PRB2: variants seen among roughly 807,000 people sequenced by gnomAD.
The protein encoded by PRB2 is proline rich protein BstNI subfamily 2.
PRB2 carries 12 observed loss-of-function variants against 8.3 expected under a neutral mutation model. The ratio of observed to expected loss-of-function variants is 1.45; its 90% confidence interval spans 0.93 to 2.35. PRB2 has a LOEUF of 2.35. PRB2 is among the 30% of genes most tolerant of loss of function. The probability of loss-of-function intolerance (pLI) is 0.00; values close to 1 mark genes in which losing one functional copy is unlikely to be tolerated. For missense variants in PRB2, 470 were observed against 507.0 expected (o/e 0.93, Z 0.70); for synonymous variants, 146 against 180.0 (o/e 0.81, Z 1.51).
chr12:11,394,281 G>A (rs540457746), intron 2 of PRB2, among the ~76,000 whole-genome samples: 1 of 152,144 alleles, frequency 6.6e-6, no homozygotes, highest in Non-Finnish European at 1.5e-5. Flanking sequence ...ACCCACTCCT[G>A]CTGTCATCTA....
intron 2 of PRB2, 135 bp downstream of exon 2, chr12:11,394,359 AG>A (rs1023539094): frequency 8.9e-7 from 1 of 1,117,796 alleles, no homozygotes; most frequent in African/African-American, 1.5e-5. Context: ...TTGCATGAAG[AG>A]TGCCTATATT....
At chr12:11,395,394 T>G in intron 1 of PRB2, 72 bp downstream of exon 1, 2 of 1,591,138 alleles carry the variant, frequency 1.3e-6, no homozygotes, top group South Asian at 2.2e-5. Context: ...TCTCCTCTCT[T>G]CCCCGTAATT....
chr12:11,394,711 A>G (rs546742080), intron 1 of PRB2, among the ~76,000 whole-genome samples, 181 bp from the exon 2 acceptor site: 9 of 152,240 alleles, frequency 5.9e-5, no homozygotes, highest in Admixed American at 5.2e-4. Context: ...CAGGGTTGTT[A>G]TGACAGAGCA....
chr12:11,393,770 G>T lies in PRB2; in HGVS notation c.308C>A (p.Pro103Gln). ...GGGACTTCGGGACTTGTCTCCTTGT[G>T]GGGGTGGTCCTTGTGGCTTTCCTGG... ...PPPGKPQGPP[P>Q]QGDKSRSPRS... The change falls in exon 3 of 4, where the codon CCA (proline) becomes CAA (glutamine). Residue 103 changes from proline (P) to glutamine (Q), a missense_variant. This residue lies in a region of PRB2 where 211 missense variants were observed against 207.7 expected (regional missense o/e 1.02). Coordinates refer to ENST00000389362, the MANE Select transcript of PRB2 (RefSeq NM_006248.4). 3 of 1,595,792 alleles carry T rather than the reference G, an allele frequency of 1.9e-6. No individual in the cohort carries two copies. The highest frequency in any genetic ancestry group is 3.4e-5 in the Admixed American group (2 of 58,614).
chr12:11,393,579 C>A lies in PRB2; in HGVS notation c.499G>T (p.Asp167Tyr). 6.3e-7 allele frequency: 1 copy of A among 1,594,946 alleles called. No individual in the cohort carries two copies. The change falls in exon 3 of 4, where the codon GAC (aspartate) becomes TAC (tyrosine). Residue 167 changes from aspartate to tyrosine, a missense_variant. This residue lies in a region of PRB2 where 211 missense variants were observed against 207.7 expected (regional missense o/e 1.02). Coordinates refer to ENST00000389362, the MANE Select transcript of PRB2 (RefSeq NM_006248.4). The part of the protein sequence containing the change: ...GKPQGPPPQG[D>Y]NKSRSSRSPP... ...GATCGAGAACTTCGGGACTTGTTGTCTCCTTGTGGGGGTGGTCCTTGTGGC... is the reference window on the plus strand; with the variant it reads ...GATCGAGAACTTCGGGACTTGTTGTATCCTTGTGGGGGTGGTCCTTGTGGC...
In PRB2 at chr12:11,393,355, C is replaced by G. The variant is rs765363110; in HGVS notation, c.723G>C (p.Lys241Asn). Residue 241 changes from lysine to asparagine, a missense_variant, in exon 3 of 4, where the codon AAG becomes AAC. Lys to Asn is a moderately conservative substitution (Grantham distance 94). Transcript: ENST00000389362. ...KSQSARSPPG[K>N]PQGPPPQGGN... ...CTCCTTGTGGGGGTGGTCCTTGTGG[C>G]TTTCCTGGAGGAGATCGGGCACTTT... is the stretch of plus-strand genomic sequence containing the variant. The G allele has an allele frequency of 6.3e-7, 1 of 1,586,644 alleles. No individual in the cohort carries two copies.
In PRB2 at chr12:11,394,273, C is replaced by T. The variant is rs573330360; in HGVS notation, c.100+222G>A. Reference sequence around the variant, plus strand: ...CTCCTGGCCAGGGGGATGAGGTAACCCACTCCTGCTGTCATCTAAGCCAAG... The same window carrying T: ...CTCCTGGCCAGGGGGATGAGGTAACTCACTCCTGCTGTCATCTAAGCCAAG... On this transcript the variant is annotated intron_variant, in intron 2 of 3. Coordinates refer to ENST00000389362, the MANE Select transcript of PRB2 (RefSeq NM_006248.4). Among the ~76,000 whole-genome samples the T allele has an allele frequency of 6.6e-5, 10 of 152,204 alleles. No individual in the cohort carries two copies. The South Asian group carries it at 1.9e-3, about 28-fold the overall frequency.
intron 1 of PRB2, 99 bp from the exon 2 acceptor site, chr12:11,394,629 T>C (rs1486756536): frequency 7.0e-7 from 1 of 1,434,894 alleles, no homozygotes; most frequent in East Asian, 2.3e-5. Flanking sequence ...CCACACCCCA[T>C]GCATCCCCTA....
chr12:11,392,952 T>G lies in PRB2; in HGVS notation c.1126A>C (p.Asn376His), dbSNP rs762925471. 5.7e-5 allele frequency: 92 copies of G among 1,609,066 alleles called. No individual in the cohort carries two copies. The highest frequency in any genetic ancestry group is 3.0e-4 in the Admixed American group (18 of 59,586). Residue 376 changes from asparagine to histidine, a missense_variant, in exon 3 of 4, where the codon AAT (asparagine) becomes CAT (histidine). Asn to His is a moderately conservative substitution (Grantham distance 68). Transcript: ENST00000389362. ...GCTGGAGGTGGGGGACCTTGAGGATTGTTGCCTTCTTGTTGGGGTGGTCCT... is the reference window on the plus strand; with the variant it reads ...GCTGGAGGTGGGGGACCTTGAGGATGGTTGCCTTCTTGTTGGGGTGGTCCT... ...PQGPPQQEGN[N>H]PQGPPPPAGG...
chr12:11,393,747 G>A lies in PRB2; in HGVS notation c.331C>T (p.Pro111Ser), dbSNP rs201630423. The A allele has an allele frequency of 3.8e-6, 6 of 1,590,902 alleles. No homozygotes were observed. The highest frequency in any genetic ancestry group is 1.4e-5 in the African/African-American group (1 of 70,284). Residue 111 changes from proline (P) to serine (S), a missense_variant, in exon 3 of 4, where the codon CCC becomes TCC. Pro to Ser is a moderately conservative substitution (Grantham distance 74, BLOSUM62 -1). Around this residue, in one of 4 missense-constraint regions of PRB2, gnomAD observed 211 missense variants for 207.7 expected, o/e 1.02. Transcript: ENST00000389362. ...PPPQGDKSRS[P>S]RSPPGKPQGP... ...TGTGGCTTTCCTGGAGGAGATCGGG[G>A]ACTTCGGGACTTGTCTCCTTGTGGG... is the stretch of plus-strand genomic sequence containing the variant.
rs764693630 is a variant in PRB2 at position 11,393,757 on chromosome 12, C to T, written c.321G>A (p.Lys107=). 12 of 1,539,448 alleles carry T rather than the reference C, an allele frequency of 7.8e-6. No homozygotes were observed. The African/African-American group carries it at 1.7e-4, about 22-fold the overall frequency. ...CTGGAGGAGATCGGGGACTTCGGGACTTGTCTCCTTGTGGGGGTGGTCCTT... is the reference window on the plus strand; with the variant it reads ...CTGGAGGAGATCGGGGACTTCGGGATTTGTCTCCTTGTGGGGGTGGTCCTT... ...KPQGPPPQGD[K]SRSPRSPPGK... Residue 107 remains lysine (K), a synonymous_variant, in exon 3 of 4, where the codon AAG becomes AAA. Transcript: ENST00000389362.
At chr12:11,394,894 G>A (rs1440063113) in intron 1 of PRB2, among the ~76,000 whole-genome samples, 2 of 151,984 alleles carry the variant, frequency 1.3e-5, no homozygotes, top group Non-Finnish European at 2.9e-5. Context: ...TCTCAATTGG[G>A]GTAACCAGAA....
At chr12:11,395,348 G>A (rs190441912) in intron 1 of PRB2, 118 bp downstream of exon 1, 1 of 1,251,498 alleles carries the variant, frequency 8.0e-7, no homozygotes, top group Non-Finnish European at 1.2e-6. Flanking sequence ...CCTGATCCTA[G>A]GCATGAAAAC....
At position 11,393,763 on chromosome 12, in the gene PRB2, T is replaced by C. The variant is rs755519343; in HGVS notation, c.315A>G (p.Gly105=). ...GAGATCGGGGACTTCGGGACTTGTC[T>C]CCTTGTGGGGGTGGTCCTTGTGGCT... ...PGKPQGPPPQ[G]DKSRSPRSPP... The change falls in exon 3 of 4, where the codon GGA becomes GGG. Residue 105 remains glycine, a synonymous_variant. Coordinates refer to ENST00000389362, the MANE Select transcript of PRB2 (RefSeq NM_006248.4). The C allele has an allele frequency of 2.5e-4, 393 of 1,589,344 alleles. 2 individuals are homozygous for C. In the African/African-American group the frequency reaches 4.6e-3, roughly 19 times the overall value.
Position 11,391,644 on chromosome 12 carries a change from A to G in PRB2, c.*38T>C. On this transcript the variant is annotated 3_prime_UTR_variant, in exon 4 of 4. Transcript: ENST00000389362. ...TTGAATCACTCTCATCTTCTTATTC[A>G]CTTCCTGAAACAAACAAACAAGGAA... 1 of 434,674 alleles carries G rather than the reference A, an allele frequency of 2.3e-6. No individual in the cohort carries two copies. The highest frequency in any genetic ancestry group is 1.6e-5 in the South Asian group (1 of 61,156). The allele number at this position is 434,674 out of a possible 1,614,324, so 26.9% of individuals were successfully genotyped here.
At chr12:11,392,740 G>A in intron 3 of PRB2, 54 bp downstream of exon 3, 2 of 1,015,582 alleles carry the variant, frequency 2.0e-6, no homozygotes, top group South Asian at 3.5e-5. Flanking sequence ...GCACAATAAA[G>A]CTGGAGAGCT....
chr12:11,395,452 C>T lies in PRB2; in HGVS notation c.64+14G>A. ...CAAGCAGAGTCACCACATCTTCTCC[C>T]CCTTCTGTTTTACCTTCATTTAAGT... On this transcript the variant is annotated intron_variant, in intron 1 of 3. Transcript: ENST00000389362. 2 of 1,613,954 alleles carry T rather than the reference C, an allele frequency of 1.2e-6. No individual in the cohort carries two copies. Among genetic ancestry groups the T allele is most frequent in the Non-Finnish European group, 8.5e-7 (1 of 1,179,876 alleles).
chr12:11,395,085 C>G lies in PRB2; in HGVS notation c.64+381G>C, dbSNP rs141124864. On this transcript the variant is annotated intron_variant, in intron 1 of 3. Coordinates refer to ENST00000389362, the MANE Select transcript of PRB2 (RefSeq NM_006248.4). ...CTCTGATACTGTGTGTGTCTATCGC[C>G]GTCATCGATGCTGATGCACTGTACA... Among the ~76,000 whole-genome samples, 1,297 of 152,182 alleles carry G rather than the reference C, an allele frequency of 8.5e-3. 18 individuals are homozygous for G. Among genetic ancestry groups the G allele is most frequent in the African/African-American group, 0.029 (1,186 of 41,520 alleles).
At chr12:11,394,262 G>A (rs554767504) in intron 2 of PRB2, among the ~76,000 whole-genome samples, 1 of 152,124 alleles carries the variant, frequency 6.6e-6, no homozygotes, top group African/African-American at 2.4e-5. Context: ...TGGCCAGGGG[G>A]ATGAGGTAAC....
Sources: allele counts gnomAD v4.1 joint callset (sites outside exome capture counted in the v4.1 genomes callset), GRCh38; gene constraint gnomAD v4.1.1; regional missense constraint gnomAD v4.1.1; transcripts MANE v1.5; gene names NCBI Gene and HGNC (gene_info 2026-07-23, HGNC 2026-07-21).